Variants in MTPN observed in about 807,000 individuals in gnomAD.
MTPN encodes granule cell differentiation protein.
Under a neutral mutation model 13.5 loss-of-function variants are expected in MTPN, and 2 were observed. The observed-to-expected ratio is 0.15, with a 90% CI of 0.06 to 0.47. The LOEUF is 0.47. Among genes scored for constraint, MTPN ranks in the 20% least tolerant of loss-of-function variants. MTPN has a pLI of 0.97. For synonymous variants in MTPN, 46 were observed against 51.7 expected (o/e 0.89, Z 0.48); for missense variants, 79 against 137.9 (o/e 0.57, Z 2.14).
At chr7:135,943,282 A>T (rs528788532) in intron 3 of MTPN, among the ~76,000 whole-genome samples, 18 of 152,316 alleles carry the variant, frequency 1.2e-4, no homozygotes, top group Admixed American at 2.6e-4. Flanking sequence ...TTCTGCCTGC[A>T]GGCACGCCAA....
At chr7:135,975,208 G>A (rs1799755122) in intron 1 of MTPN, among the ~76,000 whole-genome samples, 1 of 152,068 alleles carries the variant, frequency 6.6e-6, no homozygotes. Context: ...ATCTTTATTG[G>A]CATATATTTT....
Position 135,976,042 on chromosome 7 carries a change from G to A in MTPN, c.72+987C>T, listed in dbSNP as rs73445865. Among the ~76,000 whole-genome samples the A allele has an allele frequency of 5.9e-3, 902 of 152,272 alleles. 14 individuals are homozygous for A. The highest frequency in any genetic ancestry group is 0.021 in the African/African-American group (862 of 41,546). ...TTAGAAGGTGAGCAAGATGCCATCC[G>A]TGGTTGTCATAAAATTATACTTGTT... On this transcript the variant is annotated intron_variant, in intron 1 of 3. Transcript: ENST00000393085.
At chr7:135,956,778 C>T (rs1799449691) in intron 1 of MTPN, among the ~76,000 whole-genome samples, 1 of 152,138 alleles carries the variant, frequency 6.6e-6, no homozygotes. Context: ...TCCTTCTCAC[C>T]AGCATGTGCC....
Position 135,938,981 on chromosome 7 carries a change from T to G in MTPN, c.271-8969A>C, listed in dbSNP as rs759636116. ...ATTTTTTACCCTTATAAAGGCTTTTTTTCCCCCCACAGTACTTGTTACTAC... is the reference window on the plus strand; with the variant it reads ...ATTTTTTACCCTTATAAAGGCTTTTGTTCCCCCCACAGTACTTGTTACTAC... On this transcript the variant is annotated intron_variant, in intron 3 of 3. Coordinates refer to ENST00000393085, the MANE Select transcript of MTPN (RefSeq NM_145808.4). 3.8e-4 allele frequency among the ~76,000 whole-genome samples: 58 copies of G among 152,216 alleles called. 1 individual carries two copies. The highest frequency in any genetic ancestry group is 6.5e-5 in the Admixed American group (1 of 15,286).
intron 3 of MTPN, among the ~76,000 whole-genome samples, chr7:135,948,476 G>C (rs1226251881): frequency 6.6e-6 from 1 of 152,052 alleles, no homozygotes; most frequent in Non-Finnish European, 1.5e-5. Context: ...AAACAAACTA[G>C]TTAAAAGTAA....
At chr7:135,935,243 C>CTTTCT (rs1554391983) in intron 3 of MTPN, among the ~76,000 whole-genome samples, 9 of 144,938 alleles carry the variant, frequency 6.2e-5, no homozygotes, top group Admixed American at 1.4e-4. Flanking sequence ...TGATTTCTTT[C>CTTTCT]TTTTTTTTTT....
rs114185338 is a variant in MTPN, at chr7:135,936,170, A to G, written c.271-6158T>C. Among the ~76,000 whole-genome samples, 701 of 152,286 alleles carry G rather than the reference A, an allele frequency of 4.6e-3. 5 individuals carry two copies. Among genetic ancestry groups the G allele is most frequent in the African/African-American group, 0.016 (663 of 41,560 alleles). Reference sequence around the variant, plus strand: ...GATCCCAAGGCCTTGCACAGGCCCAATAAGAGGTAATCAATACATGTTTAT... The same window carrying G: ...GATCCCAAGGCCTTGCACAGGCCCAGTAAGAGGTAATCAATACATGTTTAT... On this transcript the variant is annotated intron_variant, in intron 3 of 3. Coordinates refer to ENST00000393085, the MANE Select transcript of MTPN (RefSeq NM_145808.4).
At chr7:135,957,271 G>C (rs10271186) in intron 1 of MTPN, among the ~76,000 whole-genome samples, 59,688 of 151,882 alleles carry the variant, frequency 0.39, 12,222 homozygotes, top group East Asian at 0.5. Flanking sequence ...TACATACACT[G>C]TATCTGGAAC....
At chr7:135,957,742 T>C (rs1420295014) in intron 1 of MTPN, among the ~76,000 whole-genome samples, 1 of 152,188 alleles carries the variant, frequency 6.6e-6, no homozygotes, top group Non-Finnish European at 1.5e-5. Context: ...ATTAATGTTC[T>C]CACTGGGTGT....
At chr7:135,959,677 T>C (rs1799493773) in intron 1 of MTPN, among the ~76,000 whole-genome samples, 1 of 152,150 alleles carries the variant, frequency 6.6e-6, no homozygotes. Context: ...AGCAATGTTA[T>C]TGGCTGTATA....
chr7:135,933,553 C>A (rs945717976), intron 3 of MTPN, among the ~76,000 whole-genome samples: 1 of 151,968 alleles, frequency 6.6e-6, no homozygotes, highest in African/African-American at 2.4e-5. Context: ...TTTATCAATT[C>A]TTATAGTTAA....
intron 3 of MTPN, chr7:135,932,512 T>C (rs1799039430): frequency 6.6e-6 from 1 of 152,116 alleles, no homozygotes; most frequent in African/African-American, 2.4e-5. Flanking sequence ...TGCAAACTTA[T>C]CGCAGAAAAC....
chr7:135,955,021 A>G (rs1471927465), intron 1 of MTPN, among the ~76,000 whole-genome samples: 1 of 152,232 alleles, frequency 6.6e-6, no homozygotes, highest in Non-Finnish European at 1.5e-5. Context: ...TTGTGAGTTT[A>G]AATTTTCTCC....
rs915653684 is a variant in MTPN at position 135,948,914 on chromosome 7, G to GT, written c.270+1684dup. 2.6e-5 allele frequency among the ~76,000 whole-genome samples: 4 copies of GT among 152,144 alleles called. No individual in the cohort carries two copies. In the East Asian group the frequency reaches 7.7e-4, roughly 29 times the overall value. Reference sequence around the variant, plus strand: ...TTCAGAGAACAAAACCCTTGGCTGGGTAAAAAAAAGGTCAGGGAAAAGGCG... The same window carrying GT: ...TTCAGAGAACAAAACCCTTGGCTGGGTTAAAAAAAAGGTCAGGGAAAAGGCG... On this transcript the variant is annotated intron_variant, in intron 3 of 3. Transcript: ENST00000393085.
intron 1 of MTPN, among the ~76,000 whole-genome samples, chr7:135,952,053 T>C (rs528407098): frequency 1.6e-4 from 25 of 152,316 alleles, no homozygotes; most frequent in African/African-American, 6.0e-4. Context: ...TATCACAATG[T>C]AATTTCAGTA....
intron 1 of MTPN, among the ~76,000 whole-genome samples, chr7:135,972,252 C>T (rs1015072186): frequency 1.2e-3 from 166 of 136,578 alleles, no homozygotes; most frequent in African/African-American, 4.0e-3. Flanking sequence ...CACACACACA[C>T]ACACACACCC....
At chr7:135,946,933 A>G (rs1333659167) in intron 3 of MTPN, among the ~76,000 whole-genome samples, 1 of 151,866 alleles carries the variant, frequency 6.6e-6, no homozygotes, top group African/African-American at 2.4e-5. Context: ...TGCTGCTGCT[A>G]CCTCTTCAAG....
chr7:135,951,291 T>C (rs1402587815), intron 2 of MTPN, among the ~76,000 whole-genome samples: 1 of 152,168 alleles, frequency 6.6e-6, no homozygotes, highest in East Asian at 1.9e-4. Context: ...AGGGGAAACA[T>C]ACTAACCTTC....
At chr7:135,935,621 T>C (rs1444212190) in intron 3 of MTPN, among the ~76,000 whole-genome samples, 2 of 152,220 alleles carry the variant, frequency 1.3e-5, no homozygotes, top group Non-Finnish European at 2.9e-5. Context: ...ACTGTTCATA[T>C]ACCTAAAAGC....
Sources: gnomAD v4.1 joint callset for allele counts (sites outside exome capture counted in the v4.1 genomes callset) on GRCh38, gnomAD v4.1.1 for gene constraint, MANE v1.5 for transcripts, NCBI Gene and HGNC (gene_info 2026-07-23, HGNC 2026-07-21) for gene names.